Variants in DNAH6 observed in about 807,000 individuals in gnomAD.
The protein encoded by DNAH6 is axonemal beta dynein heavy chain 6.
DNAH6 carries 340 observed loss-of-function variants against 491.4 expected under a neutral mutation model. That is an observed-to-expected ratio of 0.69 (90% CI 0.63 to 0.76). The LOEUF (loss-of-function observed/expected upper bound fraction) is 0.76. DNAH6 is among the 30% of genes least tolerant of loss of function. DNAH6 has a pLI of 0.00. For missense variants in DNAH6, 4,443 were observed against 4,972.2 expected (o/e 0.89, Z 3.20); for synonymous variants, 1,603 against 1,686.1 (o/e 0.95, Z 1.21).
intron 37 of DNAH6, among the ~76,000 whole-genome samples, chr2:84,665,274 C>T (rs1052183093): frequency 2.6e-5 from 4 of 151,840 alleles, no homozygotes; most frequent in Non-Finnish European, 5.9e-5. Flanking sequence ...GAGAGAGAGA[C>T]ACAAAAAACC....
chr2:84,470,024 G>A, the DNAH6 span, among the ~76,000 whole-genome samples: 1 of 152,118 alleles, frequency 6.6e-6, no homozygotes, highest in Non-Finnish European at 1.5e-5. Context: ...CCTAAGTTGG[G>A]CCTCTAACCC....
chr2:84,764,262 AT>A (rs1346684974), intron 64 of DNAH6, among the ~76,000 whole-genome samples: 1 of 152,222 alleles, frequency 6.6e-6, no homozygotes, highest in Non-Finnish European at 1.5e-5. Flanking sequence ...CTACAGACTT[AT>A]TAAGAGTTTC....
intron 65 of DNAH6, among the ~76,000 whole-genome samples, chr2:84,784,112 T>C (rs1044539553): frequency 2.0e-5 from 3 of 152,234 alleles, no homozygotes; most frequent in Non-Finnish European, 4.4e-5. Flanking sequence ...CTTCCTGTGA[T>C]GGGAACAATG....
chr2:84,681,571 C>A, intron 42 of DNAH6, 43 bp downstream of exon 42: 2 of 1,427,950 alleles, frequency 1.4e-6, no homozygotes, highest in Non-Finnish European at 1.8e-6. Context: ...ACCCTCCCTA[C>A]TTTTCCATTG....
chr2:84,561,285 G>A (rs898763462), intron 11 of DNAH6, among the ~76,000 whole-genome samples: 27 of 152,122 alleles, frequency 1.8e-4, no homozygotes, highest in African/African-American at 6.5e-4. Flanking sequence ...CAAGCAATGG[G>A]GAAAGGATTC....
At chr2:84,462,717 AG>A in the DNAH6 span, among the ~76,000 whole-genome samples, 1 of 152,222 alleles carries the variant, frequency 6.6e-6, no homozygotes, top group African/African-American at 2.4e-5. Flanking sequence ...TTAGCTAGAT[AG>A]GTCTTGGTCA....
chr2:84,667,802 C>T (rs141985926), intron 37 of DNAH6, among the ~76,000 whole-genome samples: 1,730 of 152,242 alleles, frequency 0.011, 32 homozygotes, highest in African/African-American at 0.038. Flanking sequence ...ATGTTTATTG[C>T]GGCACTATTT....
chr2:84,753,166 T>C (rs977128462), intron 63 of DNAH6, among the ~76,000 whole-genome samples: 2 of 152,210 alleles, frequency 1.3e-5, no homozygotes, highest in Non-Finnish European at 2.9e-5. Context: ...TTTCTTGTGC[T>C]TTTTGGCTAT....
chr2:84,483,381 C>T, the DNAH6 span, among the ~76,000 whole-genome samples: 1 of 152,120 alleles, frequency 6.6e-6, no homozygotes, highest in African/African-American at 2.4e-5. Context: ...CTTGATATTC[C>T]TCCTTATGCT....
chr2:84,638,884 C>G (rs1285253778), intron 31 of DNAH6, among the ~76,000 whole-genome samples: 1 of 152,046 alleles, frequency 6.6e-6, no homozygotes, highest in Non-Finnish European at 1.5e-5. Flanking sequence ...ATGGTGAAAA[C>G]AGAAACAAGA....
At chr2:84,551,484 A>G (rs1432352857) in intron 9 of DNAH6, among the ~76,000 whole-genome samples, 1 of 152,206 alleles carries the variant, frequency 6.6e-6, no homozygotes, top group East Asian at 1.9e-4. Context: ...TCCAATGTCA[A>G]TGTATATTTT....
intron 53 of DNAH6, 52 bp downstream of exon 53, chr2:84,707,071 G>C (rs1696533330): frequency 6.8e-7 from 1 of 1,477,060 alleles, no homozygotes; most frequent in Admixed American, 3.1e-5. Context: ...ATTTTCAGAA[G>C]TAGGAAGAAG....
chr2:84,512,306 C>G (rs778049218), upstream of DNAH6, among the ~76,000 whole-genome samples: 2 of 152,108 alleles, frequency 1.3e-5, no homozygotes, highest in Non-Finnish European at 2.9e-5. Context: ...GGTAAGGGAC[C>G]TCATGTTGCA....
intron 70 of DNAH6, among the ~76,000 whole-genome samples, chr2:84,800,325 CA>C (rs1678770939): frequency 6.6e-6 from 1 of 152,184 alleles, no homozygotes; most frequent in African/African-American, 2.4e-5. Flanking sequence ...GAAATCAGCA[CA>C]AGAACTTCAG....
chr2:84,664,285 T>G (rs1691841032), intron 37 of DNAH6, among the ~76,000 whole-genome samples: 2 of 152,154 alleles, frequency 1.3e-5, no homozygotes, highest in Admixed American at 1.3e-4. Flanking sequence ...AATGCTCCAA[T>G]TAAAAGACAC....
the DNAH6 span, among the ~76,000 whole-genome samples, chr2:84,497,818 A>G: frequency 6.6e-6 from 1 of 152,200 alleles, no homozygotes; most frequent in African/African-American, 2.4e-5. Context: ...GGAACCAGGT[A>G]AGAGTATTAA....
At chr2:84,571,107 A>T (rs1185249570) in intron 11 of DNAH6, among the ~76,000 whole-genome samples, 3 of 152,220 alleles carry the variant, frequency 2.0e-5, no homozygotes, top group Admixed American at 1.3e-4. Context: ...ATGAGAATAT[A>T]TGAGTCCATG....
intron 2 of DNAH6, among the ~76,000 whole-genome samples, chr2:84,522,437 C>T (rs1558659234): frequency 6.6e-6 from 1 of 152,116 alleles, no homozygotes; most frequent in African/African-American, 2.4e-5. Flanking sequence ...AGTTTGACTT[C>T]CTCTCTTCCT....
In DNAH6 at chr2:84,813,974, C is replaced by T; in HGVS notation, c.12002C>T (p.Thr4001Ile). The change falls in exon 75 of 77, where the codon ACT becomes ATT. Residue 4001 changes from threonine to isoleucine, a missense_variant. By Grantham distance (89) the Thr-to-Ile change is moderately conservative (BLOSUM62 -1). Transcript: ENST00000389394. ...FFFPQGFLTG[T>I]LQNHARKYNL... ...TTTCCGATTTTCACAATTACAGGAA[C>T]TCTTCAAAATCATGCTCGAAAATAC... is the stretch of plus-strand genomic sequence containing the variant. 1 of 1,551,676 alleles carries T rather than the reference C, an allele frequency of 6.4e-7. No homozygotes were observed. The highest frequency in any genetic ancestry group is 8.7e-7 in the Non-Finnish European group (1 of 1,146,960).
Sources: gnomAD v4.1 joint callset for allele counts (sites outside exome capture counted in the v4.1 genomes callset) on GRCh38, gnomAD v4.1.1 for gene constraint, MANE v1.5 for transcripts, NCBI Gene and HGNC (gene_info 2026-07-23, HGNC 2026-07-21) for gene names.